ADAMTSL1: variants seen among roughly 807,000 people sequenced by gnomAD.
The protein encoded by ADAMTSL1 is ADAMTS-like protein 1.
A neutral mutation model predicts 201.8 loss-of-function variants in ADAMTSL1; 126 were observed. The ratio of observed to expected loss-of-function variants is 0.62; its 90% CI spans 0.54 to 0.72. The LOEUF (loss-of-function observed/expected upper bound fraction) is 0.72. Ranked by LOEUF, ADAMTSL1 falls within the 30% of genes least tolerant of loss-of-function variation. The probability of loss-of-function intolerance (pLI) is 0.00; values close to 1 mark genes in which losing one functional copy is unlikely to be tolerated. For missense variants in ADAMTSL1, 2,679 were observed against 2,277.8 expected (o/e 1.18, Z -3.59); for synonymous variants, 1,121 against 903.4 (o/e 1.24, Z -4.32).
chr9:18,663,137 G>T (rs1290375985), intron 9 of ADAMTSL1, among the ~76,000 whole-genome samples: 1 of 152,000 alleles, frequency 6.6e-6, no homozygotes, highest in African/African-American at 2.4e-5. Flanking sequence ...TTTGTTTTCT[G>T]CTGTCAATTT....
intron 2 of ADAMTSL1, among the ~76,000 whole-genome samples, chr9:18,235,146 T>C (rs1830795159): frequency 6.6e-6 from 1 of 152,178 alleles, no homozygotes; most frequent in African/African-American, 2.4e-5. Flanking sequence ...CATTTACACA[T>C]CATGTCTCCC....
chr9:18,583,181 G>T (rs1041286322), intron 4 of ADAMTSL1, among the ~76,000 whole-genome samples: 2 of 152,198 alleles, frequency 1.3e-5, no homozygotes, highest in African/African-American at 4.8e-5. Flanking sequence ...TAACAGGCAG[G>T]AGGAAAAAGT....
chr9:18,293,814 C>T (rs1391438709), intron 2 of ADAMTSL1, among the ~76,000 whole-genome samples: 3 of 152,100 alleles, frequency 2.0e-5, no homozygotes, highest in African/African-American at 7.2e-5. Flanking sequence ...GCATGAGTTT[C>T]TTATATAGAC....
At chr9:18,652,177 G>A (rs1461342678) in intron 7 of ADAMTSL1, among the ~76,000 whole-genome samples, 1 of 151,810 alleles carries the variant, frequency 6.6e-6, no homozygotes, top group Non-Finnish European at 1.5e-5. Context: ...TTCAAGACCA[G>A]CCTGGCCAAG....
chr9:18,525,032 G>T (rs935314357), intron 2 of ADAMTSL1, among the ~76,000 whole-genome samples: 4 of 152,162 alleles, frequency 2.6e-5, no homozygotes, highest in African/African-American at 9.7e-5. Flanking sequence ...GCTCCTCCTT[G>T]TACATCCAGT....
At chr9:18,116,656 G>C (rs1825263609) in intron 1 of ADAMTSL1, among the ~76,000 whole-genome samples, 1 of 152,146 alleles carries the variant, frequency 6.6e-6, no homozygotes, top group Non-Finnish European at 1.5e-5. Context: ...GTGGCTATAA[G>C]AATAGGCCAT....
chr9:18,213,996 C>A (rs1449380651), intron 2 of ADAMTSL1, among the ~76,000 whole-genome samples: 8 of 152,164 alleles, frequency 5.3e-5, no homozygotes, highest in African/African-American at 1.9e-4. Context: ...CTGGGCCTCC[C>A]AAAGTGCTGG....
intron 1 of ADAMTSL1, among the ~76,000 whole-genome samples, chr9:18,497,774 T>C (rs951032081): frequency 2.0e-5 from 3 of 152,220 alleles, no homozygotes; most frequent in South Asian, 2.1e-4. Flanking sequence ...GGCTGTGAAA[T>C]TGTGTTCTGT....
chr9:18,848,180 C>G lies in ADAMTSL1; in HGVS notation c.4249+18203C>G, dbSNP rs557376403. 4.8e-4 allele frequency among the ~76,000 whole-genome samples: 73 copies of G among 152,250 alleles called. 1 individual carries two copies. In the South Asian group the frequency reaches 0.015, roughly 30 times the overall value. ...TTTCCTTCATCTAGTAAGAGGGGAT[C>G]CCCATTGCACAGTAGAGTCAGCTGG... On this transcript the variant is annotated intron_variant, in intron 23 of 28. Transcript: ENST00000380548.
At chr9:18,441,834 T>C (rs1318909829) in intron 2 of ADAMTSL1, among the ~76,000 whole-genome samples, 1 of 152,216 alleles carries the variant, frequency 6.6e-6, no homozygotes, top group Admixed American at 6.5e-5. Flanking sequence ...TTTTGATCTA[T>C]ATTACCTGGA....
At chr9:17,972,569 G>C (rs1818255895) in intron 1 of ADAMTSL1, among the ~76,000 whole-genome samples, 1 of 151,852 alleles carries the variant, frequency 6.6e-6, no homozygotes, top group African/African-American at 2.4e-5. Context: ...ACTGTTGTTG[G>C]ACATTTAGGT....
At chr9:18,754,858 G>T (rs1237574463) in intron 16 of ADAMTSL1, among the ~76,000 whole-genome samples, 1 of 152,148 alleles carries the variant, frequency 6.6e-6, no homozygotes, top group Non-Finnish European at 1.5e-5. Context: ...ATGGTTTGTG[G>T]AAGAGGATGT....
In ADAMTSL1 at chr9:18,910,708, A is replaced by G. The variant is rs1485854580; in HGVS notation, c.*2160A>G. 2.6e-5 allele frequency: 4 copies of G among 152,250 alleles called. No homozygotes were observed. Among genetic ancestry groups the G allele is most frequent in the African/African-American group, 9.6e-5 (4 of 41,468 alleles). The allele number at this position is 152,250 out of a possible 1,614,324, so 9.4% of individuals were successfully genotyped here. A position where few individuals can be genotyped will look rare whatever the true frequency, so the allele number is the denominator to read the frequency against. ...TAAAGAGCAAGCATCCTCCAGCTCC[A>G]TGTTGGGTTGGAGCAGTTGGCAGTG... On this transcript the variant is annotated 3_prime_UTR_variant, in exon 29 of 29. Coordinates refer to ENST00000380548, the MANE Select transcript of ADAMTSL1 (RefSeq NM_001040272.6).
chr9:18,023,903 C>T (rs1461012321), intron 1 of ADAMTSL1, among the ~76,000 whole-genome samples: 2 of 152,096 alleles, frequency 1.3e-5, no homozygotes, highest in Non-Finnish European at 2.9e-5. Flanking sequence ...ATTTATTAAA[C>T]TGACGTATTC....
Position 17,991,420 on chromosome 9 carries a change from C to G in ADAMTSL1, c.87+84498C>G, listed in dbSNP as rs1021634905. Among the ~76,000 whole-genome samples the G allele has an allele frequency of 5.3e-5, 8 of 152,138 alleles. No homozygotes were observed. The South Asian group carries it at 8.3e-4, about 16-fold the overall frequency. Reference sequence around the variant, plus strand: ...AGTACCTGGTAAAAAGGTTCTAATCCTCTGATTCAGGGACTAAGGAGAAAC... The same window carrying G: ...AGTACCTGGTAAAAAGGTTCTAATCGTCTGATTCAGGGACTAAGGAGAAAC... On this transcript the variant is annotated intron_variant, in intron 1 of 29. Transcript: ENST00000680146.
intron 23 of ADAMTSL1, among the ~76,000 whole-genome samples, chr9:18,851,045 CTT>C (rs1352253037): frequency 6.6e-6 from 1 of 152,206 alleles, no homozygotes; most frequent in Non-Finnish European, 1.5e-5. Flanking sequence ...AGTTCATTCT[CTT>C]TCTCACTGTG....
chr9:18,600,861 A>G (rs1233589434), intron 4 of ADAMTSL1, among the ~76,000 whole-genome samples: 1 of 152,202 alleles, frequency 6.6e-6, no homozygotes, highest in African/African-American at 2.4e-5. Flanking sequence ...GAAAAAGAAT[A>G]AATTTCTTAT....
intron 1 of ADAMTSL1, among the ~76,000 whole-genome samples, chr9:17,969,430 G>A (rs1220435719): frequency 6.6e-6 from 1 of 151,984 alleles, no homozygotes; most frequent in African/African-American, 2.4e-5. Context: ...GAGGTGTCTG[G>A]TGTCAGACAC....
intron 3 of ADAMTSL1, among the ~76,000 whole-genome samples, chr9:18,564,316 T>G (rs750109191): frequency 2.6e-5 from 4 of 152,166 alleles, no homozygotes; most frequent in Non-Finnish European, 4.4e-5. Flanking sequence ...CCACCCTGCT[T>G]GGGCTCACCC....
Sources: allele counts gnomAD v4.1 joint callset (sites outside exome capture counted in the v4.1 genomes callset), GRCh38; gene constraint gnomAD v4.1.1; transcripts MANE v1.5; gene names NCBI Gene and HGNC (gene_info 2026-07-23, HGNC 2026-07-21).